The following NR3C1 variants were observed in gnomAD, a reference collection of about 807,000 sequenced individuals.
NR3C1 encodes the protein nuclear receptor subfamily 3 group C member 1.
In NR3C1, 14 loss-of-function variants were observed where a neutral mutation model predicts 74.0. That is an observed-to-expected ratio of 0.19 (90% CI 0.12 to 0.30). The LOEUF (loss-of-function observed/expected upper bound fraction) is 0.30. NR3C1 is among the 10% of genes least tolerant of loss of function. The pLI, the probability that NR3C1 is intolerant of heterozygous loss-of-function variation, is 1.00. For missense variants in NR3C1, 695 were observed against 909.8 expected (o/e 0.76, Z 3.04); for synonymous variants, 308 against 332.5 (o/e 0.93, Z 0.80).
At chr5:143,294,416 T>A (rs1310935691) in intron 7 of NR3C1, 1 of 746,596 alleles carries the variant, frequency 1.3e-6, no homozygotes, top group African/African-American at 1.9e-5. Context: ...AAGACTTTTT[T>A]TAGAGCAGTT....
At chr5:143,405,262 C>T (rs989959011), upstream of NR3C1, 1 of 985,650 alleles carries the variant, frequency 1.0e-6, no homozygotes, top group African/African-American at 1.7e-5. Flanking sequence ...CTTGCCAGCT[C>T]CTGACACGGG....
chr5:143,331,523 G>A lies in NR3C1; in HGVS notation c.1185-17355C>T, dbSNP rs139339620. Among the ~76,000 whole-genome samples, 368 of 152,210 alleles carry A rather than the reference G, an allele frequency of 2.4e-3. 1 individual carries two copies. Among genetic ancestry groups the A allele is most frequent in the African/African-American group, 8.4e-3 (350 of 41,532 alleles). ...TACTACTCACAATAGCAAAGACATAGAATCAACCTAAAAGCCCATCAACAG... is the reference window on the plus strand; with the variant it reads ...TACTACTCACAATAGCAAAGACATAAAATCAACCTAAAAGCCCATCAACAG... On this transcript the variant is annotated intron_variant, in intron 2 of 8. Transcript: ENST00000394464.
chr5:143,296,825 C>T (rs1817360097), intron 6 of NR3C1, among the ~76,000 whole-genome samples: 1 of 151,718 alleles, frequency 6.6e-6, no homozygotes, highest in Non-Finnish European at 1.5e-5. Flanking sequence ...ACCTGTAATC[C>T]CAGCACTTTG....
chr5:143,380,934 G>T (rs747694758), intron 2 of NR3C1, among the ~76,000 whole-genome samples: 1 of 152,116 alleles, frequency 6.6e-6, no homozygotes, highest in African/African-American at 2.4e-5. Context: ...GGAAGTACTG[G>T]AAGACCTACC....
chr5:143,416,670 A>G (rs1420830489), intron 1 of NR3C1, among the ~76,000 whole-genome samples: 1 of 152,144 alleles, frequency 6.6e-6, no homozygotes, highest in East Asian at 1.9e-4. Flanking sequence ...GTAAAGGTCT[A>G]AAACATGGGG....
In NR3C1 at chr5:143,403,018, G is replaced by A. The variant is rs1203811336; in HGVS notation, c.-14+193C>T. On this transcript the variant is annotated intron_variant, in intron 1 of 8. Transcript: ENST00000394464. ...GCCAGGGGACGCCTGCGGAGGGAGA[G>A]GAAGAGGCCAGCGCTGTCACCCGCG... is the stretch of plus-strand genomic sequence containing the variant. 6.0e-5 allele frequency among the ~76,000 whole-genome samples: 9 copies of A among 151,016 alleles called. No homozygotes were observed. In the Middle Eastern group the frequency reaches 0.01, roughly 174 times the overall value.
intron 1 of NR3C1, among the ~76,000 whole-genome samples, chr5:143,429,543 G>C (rs938754025): frequency 6.6e-6 from 1 of 152,182 alleles, no homozygotes; most frequent in African/African-American, 2.4e-5. Context: ...ATCTAAACTT[G>C]AACTGTATGC....
intron 2 of NR3C1, among the ~76,000 whole-genome samples, chr5:143,315,205 G>C (rs1048600599): frequency 6.6e-6 from 1 of 152,132 alleles, no homozygotes; most frequent in East Asian, 1.9e-4. Flanking sequence ...TCTATTACTG[G>C]AGGAAAAATT....
chr5:143,353,904 A>G (rs1287706173), intron 2 of NR3C1, among the ~76,000 whole-genome samples: 2 of 152,226 alleles, frequency 1.3e-5, no homozygotes, highest in Non-Finnish European at 2.9e-5. Context: ...TCTAGCTATG[A>G]AAGTCCTAGA....
intron 2 of NR3C1, among the ~76,000 whole-genome samples, chr5:143,325,600 T>C (rs1824411469): frequency 6.6e-6 from 1 of 152,234 alleles, no homozygotes; most frequent in Non-Finnish European, 1.5e-5. Context: ...TGCTGGAATA[T>C]TGTTACAATT....
intron 1 of NR3C1, among the ~76,000 whole-genome samples, chr5:143,423,553 AAAC>A (rs1030207606): frequency 1.3e-5 from 2 of 152,088 alleles, no homozygotes; most frequent in Admixed American, 6.6e-5. Context: ...AGGTTCCTAA[AAAC>A]AACAACAACA....
intron 1 of NR3C1, among the ~76,000 whole-genome samples, chr5:143,427,768 G>T (rs1751609700): frequency 6.6e-6 from 1 of 152,110 alleles, no homozygotes; most frequent in South Asian, 2.1e-4. Context: ...CCACACTCTG[G>T]TTTACACTGT....
Position 143,300,396 on chromosome 5 carries a change from T to C in NR3C1, c.1747+89A>G, listed in dbSNP as rs72542748. 1 of 1,507,506 alleles carries C rather than the reference T, an allele frequency of 6.6e-7. No homozygotes were observed. Among genetic ancestry groups the C allele is most frequent in the Non-Finnish European group, 9.2e-7 (1 of 1,086,644 alleles). The allele number at this position is 1,507,506 out of a possible 1,614,324, so 93.4% of individuals were successfully genotyped here. On this transcript the variant is annotated intron_variant, in intron 5 of 8. Transcript: ENST00000394464. This position sits in a 1 kb window ranked among gnomAD's most constrained non-coding sequence, Gnocchi z 5.2. Reference sequence around the variant, plus strand: ...GAACTAAGAGAAACAAGATAAGCCATGGGCTCACGATGATATAAAAGCCAA... The same window carrying C: ...GAACTAAGAGAAACAAGATAAGCCACGGGCTCACGATGATATAAAAGCCAA...
intron 7 of NR3C1, among the ~76,000 whole-genome samples, chr5:143,284,972 GGAAA>G: frequency 1.3e-5 from 2 of 151,370 alleles, no homozygotes; most frequent in African/African-American, 4.9e-5. Context: ...TCAGACTACT[GGAAA>G]CGAAGGAGGT....
intron 2 of NR3C1, among the ~76,000 whole-genome samples, chr5:143,314,421 C>CTTTTTT (rs200172704): frequency 8.4e-6 from 1 of 118,786 alleles, no homozygotes. Context: ...ACTTCTTCTT[C>CTTTTTT]TTTTTTTTTT....
At chr5:143,282,301 T>C (rs763362243) in intron 8 of NR3C1, among the ~76,000 whole-genome samples, 12 of 152,246 alleles carry the variant, frequency 7.9e-5, no homozygotes, top group Non-Finnish European at 1.8e-4. Flanking sequence ...TTTAATGGAT[T>C]AATCATACTT....
At chr5:143,419,922 G>A (rs1325235320) in intron 1 of NR3C1, among the ~76,000 whole-genome samples, 1 of 152,124 alleles carries the variant, frequency 6.6e-6, no homozygotes, top group Non-Finnish European at 1.5e-5. Flanking sequence ...TTCAACCATA[G>A]AAGACAGCCA....
Position 143,435,370 on chromosome 5 carries a change from G to A in NR3C1, c.-852C>T, listed in dbSNP as rs1431656342. 3.0e-5 allele frequency: 30 copies of A among 985,302 alleles called. No homozygotes were observed. In the South Asian group the frequency reaches 5.2e-4, roughly 17 times the overall value. The allele number at this position is 985,302 out of a possible 1,614,324, so 61.0% of individuals were successfully genotyped here. On this transcript the variant is annotated 5_prime_UTR_variant, in exon 1 of 9. Transcript: ENST00000343796. The stretch of plus-strand genomic sequence containing the variant: ...CCTTCTCTCTGCCATTTAAAGAAGC[G>A]TGTTGCAATTTCCCCAGCAGAAGTG...
At chr5:143,368,277 A>G (rs868200024) in intron 2 of NR3C1, among the ~76,000 whole-genome samples, 20 of 152,358 alleles carry the variant, frequency 1.3e-4, no homozygotes, top group African/African-American at 4.6e-4. Flanking sequence ...AGCTAAAACT[A>G]TAATTCTTAG....
Sources: gnomAD v4.1 joint callset for allele counts (sites outside exome capture counted in the v4.1 genomes callset) on GRCh38, gnomAD v4.1.1 for gene constraint, Gnocchi (gnomAD v3.1) non-coding constraint, MANE v1.5 for transcripts, NCBI Gene and HGNC (gene_info 2026-07-23, HGNC 2026-07-21) for gene names.